CFAP54: variants seen among roughly 807,000 people sequenced by gnomAD.
The protein encoded by CFAP54 is cilia- and flagella-associated protein 54.
A neutral mutation model predicts 370.4 loss-of-function variants in CFAP54; 290 were observed. The ratio of observed to expected loss-of-function variants is 0.78; its 90% confidence interval spans 0.71 to 0.86. The LOEUF (loss-of-function observed/expected upper bound fraction) is 0.86. CFAP54 is among the 40% of genes least tolerant of loss of function. CFAP54 has a pLI of 0.00. For missense variants in CFAP54, 3,399 were observed against 3,528.7 expected, an observed-to-expected ratio of 0.96 and a Z score of 0.93; for synonymous variants, 1,206 against 1,236.5, an observed-to-expected ratio of 0.98 and a Z score of 0.52.
intron 20 of CFAP54, among the ~76,000 whole-genome samples, chr12:96,578,766 C>T (rs938016020): frequency 6.6e-6 from 1 of 152,162 alleles, no homozygotes; most frequent in African/African-American, 2.4e-5. Flanking sequence ...GTTGAGGCTT[C>T]AGCCATCTTT....
Position 96,685,193 on chromosome 12 carries a change from T to A in CFAP54, c.5969T>A (p.Ile1990Asn). The A allele has an allele frequency of 6.2e-7, 1 of 1,614,088 alleles. No individual in the cohort carries two copies. The highest frequency in any genetic ancestry group is 8.5e-7 in the Non-Finnish European group (1 of 1,179,998). ...GAGGAGTTTCTGTCAAGAGTTGGCA[T>A]CTGGGGGTGTTTGCAAGGAGCAGTC... ...YSEEFLSRVG[I>N]WGCLQGAVIS... is the part of the protein sequence containing the mutation. Residue 1990 changes from isoleucine to asparagine, a missense_variant, in exon 42 of 68, where the codon ATC becomes AAC. Around this residue, in one of 3 missense-constraint regions of CFAP54, gnomAD observed 2,796 missense variants for 2,869.7 expected, o/e 0.97. Coordinates refer to ENST00000524981, the MANE Select transcript of CFAP54 (RefSeq NM_001306084.2).
chr12:96,595,361 A>G (rs1592870379), intron 25 of CFAP54, among the ~76,000 whole-genome samples: 1 of 152,102 alleles, frequency 6.6e-6, no homozygotes, highest in African/African-American at 2.4e-5. Flanking sequence ...CACCAGGGGG[A>G]AGAATCTTGG....
chr12:96,764,250 G>GT lies in CFAP54; in HGVS notation c.8139+3dup, dbSNP rs1958372839. 6.2e-7 allele frequency: 1 copy of GT among 1,607,292 alleles called. No individual in the cohort carries two copies. The highest frequency in any genetic ancestry group is 1.3e-5 in the African/African-American group (1 of 74,778). On this transcript the variant is annotated splice_donor_variant, in intron 59 of 67. Coordinates refer to ENST00000524981, the MANE Select transcript of CFAP54 (RefSeq NM_001306084.2). LOFTEE classifies it high-confidence loss of function. ...GATTGCAATAAGAGCTGCTGCACAG[G>GT]TTGGTGTGATTTTTGTTTAATCTTT...
chr12:96,742,693 G>GT (rs1958066148), intron 52 of CFAP54, 107 bp downstream of exon 52: 6 of 1,064,652 alleles, frequency 5.6e-6, no homozygotes, highest in Non-Finnish European at 8.0e-6. Flanking sequence ...TAACTTTCTA[G>GT]CTTGATCTGC....
chr12:96,540,453 C>A (rs1397763875), intron 13 of CFAP54, among the ~76,000 whole-genome samples: 1 of 152,124 alleles, frequency 6.6e-6, no homozygotes, highest in African/African-American at 2.4e-5. Flanking sequence ...TGCTTCCCCA[C>A]TCATAAGGAG....
chr12:96,820,795 A>G (rs1959024303), intron 65 of CFAP54, among the ~76,000 whole-genome samples: 1 of 152,194 alleles, frequency 6.6e-6, no homozygotes, highest in South Asian at 2.1e-4. Context: ...TTCAAAAATA[A>G]TTCAGCTCTC....
intron 48 of CFAP54, among the ~76,000 whole-genome samples, chr12:96,715,801 T>C (rs1263040198): frequency 6.6e-6 from 1 of 152,202 alleles, no homozygotes; most frequent in East Asian, 1.9e-4. Flanking sequence ...GTAATTTATA[T>C]ATTTTTATTG....
chr12:96,684,700 A>C lies in CFAP54; in HGVS notation c.5769A>C (p.Ser1923=). ...QRSLKVQALH[S]LGSLLIFAEK... ...GTCTTAAAGTTCAGGCGTTGCATTC[A>C]CTTGGAAGTCTTCTCATCTTCGCAG... is the stretch of plus-strand genomic sequence containing the variant. Residue 1923 remains serine (S), a synonymous_variant, in exon 41 of 68, where the codon TCA becomes TCC. Transcript: ENST00000524981. The C allele has an allele frequency of 6.2e-7, 1 of 1,613,326 alleles. No individual in the cohort carries two copies. Among genetic ancestry groups the C allele is most frequent in the South Asian group, 1.1e-5 (1 of 90,760 alleles).
chr12:96,854,237 AAC>A (rs1176072006), intron 66 of CFAP54, among the ~76,000 whole-genome samples: 2 of 152,162 alleles, frequency 1.3e-5, no homozygotes, highest in African/African-American at 4.8e-5. Flanking sequence ...AATCATGGTA[AAC>A]ACATATAATT....
chr12:96,824,846 T>C (rs1959068896), intron 65 of CFAP54, among the ~76,000 whole-genome samples: 1 of 152,126 alleles, frequency 6.6e-6, no homozygotes, highest in Admixed American at 6.5e-5. Flanking sequence ...CTCAGTCCAG[T>C]CCTGCTCTAT....
At chr12:96,502,707 G>A (rs1349574904) in intron 2 of CFAP54, among the ~76,000 whole-genome samples, 1 of 152,264 alleles carries the variant, frequency 6.6e-6, no homozygotes, top group East Asian at 1.9e-4. Context: ...GAAGTTGTGG[G>A]GGAGGGAGCT....
intron 26 of CFAP54, among the ~76,000 whole-genome samples, chr12:96,612,220 T>TG (rs1956366111): frequency 6.6e-6 from 1 of 152,048 alleles, no homozygotes; most frequent in Non-Finnish European, 1.5e-5. Context: ...CAGAAGAGAG[T>TG]GGGGGCCAAT....
chr12:96,523,424 C>T (rs912662432), intron 8 of CFAP54, among the ~76,000 whole-genome samples: 3 of 152,070 alleles, frequency 2.0e-5, no homozygotes, highest in Admixed American at 1.3e-4. Flanking sequence ...AATCCTTTTT[C>T]TTTCTTTTAA....
At chr12:96,799,233 A>C (rs770442777) in intron 63 of CFAP54, among the ~76,000 whole-genome samples, 1 of 152,196 alleles carries the variant, frequency 6.6e-6, no homozygotes, top group Non-Finnish European at 1.5e-5. Context: ...AAAACGCAGC[A>C]GTTGGTCAAT....
In CFAP54 at chr12:96,616,403, T is replaced by C. The variant is rs185661097; in HGVS notation, c.3640-5187T>C. ...GGGAGGGATAGCATTAGGAGATATA[T>C]CTAATGTAAATGACGAGTTAATGGG... On this transcript the variant is annotated intron_variant, in intron 26 of 67. Coordinates refer to ENST00000524981, the MANE Select transcript of CFAP54 (RefSeq NM_001306084.2). Among the ~76,000 whole-genome samples the C allele has an allele frequency of 5.4e-4, 82 of 152,116 alleles. No individual in the cohort carries two copies. The South Asian group carries it at 9.6e-3, about 18-fold the overall frequency.
intron 26 of CFAP54, among the ~76,000 whole-genome samples, chr12:96,599,421 G>T (rs1040711526): frequency 2.6e-5 from 4 of 152,082 alleles, no homozygotes; most frequent in Non-Finnish European, 5.9e-5. Flanking sequence ...ATGGACATTT[G>T]GGTTGGTTCC....
At chr12:96,599,554 T>C (rs1956217845) in intron 26 of CFAP54, among the ~76,000 whole-genome samples, 1 of 152,194 alleles carries the variant, frequency 6.6e-6, no homozygotes, top group Admixed American at 6.5e-5. Context: ...AAATGGTATT[T>C]CTAGTTCTAG....
chr12:96,625,716 A>T lies in CFAP54; in HGVS notation c.3887-2A>T. 2 of 1,527,872 alleles carry T rather than the reference A, an allele frequency of 1.3e-6. No individual in the cohort carries two copies. The highest frequency in any genetic ancestry group is 2.4e-5 in the South Asian group (2 of 82,638). The allele number at this position is 1,527,872 out of a possible 1,614,324, so 94.6% of individuals were successfully genotyped here. ...TACAACTTTTGAATTTTTTAACCTTAGATGTTACATCTGAACTCTCAGGAG... is the reference window on the plus strand; with the variant it reads ...TACAACTTTTGAATTTTTTAACCTTTGATGTTACATCTGAACTCTCAGGAG... On this transcript the variant is annotated splice_acceptor_variant, in intron 28 of 67. Transcript: ENST00000524981. LOFTEE classifies it high-confidence loss of function.
intron 25 of CFAP54, among the ~76,000 whole-genome samples, chr12:96,595,112 G>T (rs1265814756): frequency 1.3e-5 from 2 of 152,112 alleles, no homozygotes; most frequent in Admixed American, 6.6e-5. Flanking sequence ...GTTATTGATA[G>T]AATTCATTTC....
Sources: allele counts gnomAD v4.1 joint callset (sites outside exome capture counted in the v4.1 genomes callset), GRCh38; gene constraint gnomAD v4.1.1; regional missense constraint gnomAD v4.1.1; transcripts MANE v1.5; gene names NCBI Gene and HGNC (gene_info 2026-07-23, HGNC 2026-07-21).